SLC25A34: variants seen among roughly 807,000 people sequenced by gnomAD.
The protein encoded by SLC25A34 is solute carrier family 25, member 34.
SLC25A34 carries 26 observed loss-of-function variants against 28.1 expected under a neutral mutation model. That is an observed-to-expected ratio of 0.93 (90% CI 0.68 to 1.28). SLC25A34 has a LOEUF of 1.28. Ranked by LOEUF, SLC25A34 falls within the 50% of genes most tolerant of loss-of-function variation. The probability of loss-of-function intolerance (pLI) is 0.00; values close to 1 mark genes in which losing one functional copy is unlikely to be tolerated. For synonymous variants in SLC25A34, 182 were observed against 182.2 expected, an observed-to-expected ratio of 1.00 and a Z score of 0.01; for missense variants, 384 against 409.8, an observed-to-expected ratio of 0.94 and a Z score of 0.54.
rs376622257 is a variant in SLC25A34, at chr1:15,739,427, G to A, written c.*21G>A. On this transcript the variant is annotated 3_prime_UTR_variant, in exon 5 of 5. Coordinates refer to ENST00000294454, the MANE Select transcript of SLC25A34 (RefSeq NM_207348.3). The stretch of plus-strand genomic sequence containing the variant: ...CCTAGACGACGGCCCTCACCCCCAC[G>A]TCCTGACACGGCCGGCACTTGGCCG... 16 of 1,491,260 alleles carry A rather than the reference G, an allele frequency of 1.1e-5. No homozygotes were observed. Among genetic ancestry groups the A allele is most frequent in the South Asian group, 2.7e-5 (2 of 72,934 alleles). 92.4% of individuals were successfully genotyped at this position (1,491,260 alleles called of 1,614,324 possible). A position where few individuals can be genotyped will look rare whatever the true frequency, so the allele number is the denominator to read the frequency against.
In SLC25A34 at chr1:15,739,531, A is replaced by C. The variant is rs2068261167; in HGVS notation, c.*125A>C. 8.5e-7 allele frequency: 1 copy of C among 1,170,700 alleles called. No homozygotes were observed. The highest frequency in any genetic ancestry group is 1.6e-5 in the African/African-American group (1 of 63,744). The allele number at this position is 1,170,700 out of a possible 1,614,324, so 72.5% of individuals were successfully genotyped here. A position where few individuals can be genotyped will look rare whatever the true frequency, so the allele number is the denominator to read the frequency against. ...CAGGCCCTGCCAGAGGTCCCGGGAG[A>C]GTGTGGACAGCTCTGGTCCATCCAG... On this transcript the variant is annotated 3_prime_UTR_variant, in exon 5 of 5. Coordinates refer to ENST00000294454, the MANE Select transcript of SLC25A34 (RefSeq NM_207348.3).
At position 15,738,186 on chromosome 1, in the gene SLC25A34, G is replaced by C; in HGVS notation, c.538G>C (p.Gly180Arg). ...VGGAVPRVMV[G>R]SAAQLATFAS... ...TGGGGCTGTGCCCCGAGTCATGGTGGGCTCAGCTGCCCAGCTGGCCACCTT... is the reference window on the plus strand; with the variant it reads ...TGGGGCTGTGCCCCGAGTCATGGTGCGCTCAGCTGCCCAGCTGGCCACCTT... Residue 180 changes from glycine (G) to arginine (R), a missense_variant, in exon 3 of 5, where the codon GGC becomes CGC. By Grantham distance (125) the Gly-to-Arg change is moderately radical. Coordinates refer to ENST00000294454, the MANE Select transcript of SLC25A34 (RefSeq NM_207348.3). The C allele has an allele frequency of 1.2e-6, 2 of 1,606,612 alleles. No homozygotes were observed. The highest frequency in any genetic ancestry group is 8.5e-7 in the Non-Finnish European group (1 of 1,176,448).
At chr1:15,737,492 C>G (rs1412070617) in intron 1 of SLC25A34, among the ~76,000 whole-genome samples, 1 of 151,918 alleles carries the variant, frequency 6.6e-6, no homozygotes, top group African/African-American at 2.4e-5. Context: ...ATCACTTGAG[C>G]CCAGTTGGCA....
rs538249415 is a variant in SLC25A34, at chr1:15,739,904, T to G, written c.*498T>G. 1 of 152,474 alleles carries G rather than the reference T, an allele frequency of 6.6e-6. No individual in the cohort carries two copies. The highest frequency in any genetic ancestry group is 6.5e-5 in the Admixed American group (1 of 15,308). 9.4% of individuals were successfully genotyped at this position (152,474 alleles called of 1,614,324 possible). On this transcript the variant is annotated 3_prime_UTR_variant, in exon 5 of 5. Coordinates refer to ENST00000294454, the MANE Select transcript of SLC25A34 (RefSeq NM_207348.3). Reference sequence around the variant, plus strand: ...ACCCTAGACCTATGCGCTTGACAAGTGCGTGACTGTGACAGGCCCATGGGC... The same window carrying G: ...ACCCTAGACCTATGCGCTTGACAAGGGCGTGACTGTGACAGGCCCATGGGC...
chr1:15,739,708 C>T lies in SLC25A34; in HGVS notation c.*302C>T, dbSNP rs1244315027. The T allele has an allele frequency of 3.5e-6, 1 of 282,284 alleles. No homozygotes were observed. The highest frequency in any genetic ancestry group is 5.9e-5 in the East Asian group (1 of 17,080). 17.5% of individuals were successfully genotyped at this position (282,284 alleles called of 1,614,324 possible). A position where few individuals can be genotyped will look rare whatever the true frequency, so the allele number is the denominator to read the frequency against. On this transcript the variant is annotated 3_prime_UTR_variant, in exon 5 of 5. Transcript: ENST00000294454. ...GCAACTGCTGCGGGCGTGCACATGG[C>T]ATAGGCCCAGTAACTTACATACATC...
rs150257583 is a variant in SLC25A34 at position 15,741,279 on chromosome 1, C to G, written c.*1873C>G. On this transcript the variant is annotated 3_prime_UTR_variant, in exon 5 of 5. Transcript: ENST00000294454. ...TCCCTGGCAGGGGCAGGACTGCTGC[C>G]GAGCAGCCCCACCTGCCCTCCCAGC... 1 of 152,746 alleles carries G rather than the reference C, an allele frequency of 6.5e-6. No individual in the cohort carries two copies. The highest frequency in any genetic ancestry group is 6.5e-5 in the Admixed American group (1 of 15,290). 9.5% of individuals were successfully genotyped at this position (152,746 alleles called of 1,614,324 possible). A position where few individuals can be genotyped will look rare whatever the true frequency, so the allele number is the denominator to read the frequency against.
chr1:15,737,644 G>A (rs2068237738), intron 1 of SLC25A34: 1 of 460,960 alleles, frequency 2.2e-6, no homozygotes, highest in African/African-American at 2.0e-5. Context: ...GGCTGGTGCT[G>A]GAGGATCATT....
intron 3 of SLC25A34, 24 bp downstream of exon 3, chr1:15,738,269 C>A: frequency 3.2e-6 from 5 of 1,573,246 alleles, no homozygotes; most frequent in Non-Finnish European, 4.3e-6. Context: ...GACACCTGTG[C>A]CTATCCACAG....
In SLC25A34 at chr1:15,736,379, AC is replaced by A; in HGVS notation, c.-103del. 1 of 1,249,834 alleles carries A rather than the reference AC, an allele frequency of 8.0e-7. No individual in the cohort carries two copies. Among genetic ancestry groups the A allele is most frequent in the Non-Finnish European group, 1.0e-6 (1 of 979,196 alleles). The allele number at this position is 1,249,834 out of a possible 1,614,324, so 77.4% of individuals were successfully genotyped here. A position where few individuals can be genotyped will look rare whatever the true frequency, so the allele number is the denominator to read the frequency against. ...TAGACATGGCCTCGGTCCCCTGCAAACCCCAGCCCCGTAGCCCTGCGAGGTT... is the reference window on the plus strand; with the variant it reads ...TAGACATGGCCTCGGTCCCCTGCAAACCCAGCCCCGTAGCCCTGCGAGGTT... On this transcript the variant is annotated 5_prime_UTR_variant, in exon 1 of 5. The change abolishes the stop of an existing upstream ORF in the 5' untranslated region. Coordinates refer to ENST00000294454, the MANE Select transcript of SLC25A34 (RefSeq NM_207348.3).
rs111842948 is a variant in SLC25A34, at chr1:15,739,361, C to T, written c.870C>T (p.Asp290=). The change falls in exon 5 of 5, where the codon GAC becomes GAT. Residue 290 remains aspartate, a synonymous_variant. Coordinates refer to ENST00000294454, the MANE Select transcript of SLC25A34 (RefSeq NM_207348.3). The part of the protein sequence containing the change: ...PHTILSMLFW[D]ELRKLAGRAQ... ...CCATCCTCAGCATGCTCTTCTGGGACGAGCTTCGGAAACTGGCTGGGCGGG... is the reference window on the plus strand; with the variant it reads ...CCATCCTCAGCATGCTCTTCTGGGATGAGCTTCGGAAACTGGCTGGGCGGG... 3,601 of 1,581,824 alleles carry T rather than the reference C, an allele frequency of 2.3e-3. 84 individuals carry two copies. In the African/African-American group the frequency reaches 0.041, roughly 18 times the overall value.
intron 1 of SLC25A34, chr1:15,737,640 T>A (rs1569589338): frequency 2.2e-6 from 1 of 451,234 alleles, no homozygotes. Context: ...CCTTGGCTGG[T>A]GCTGGAGGAT....
At position 15,736,552 on chromosome 1, in the gene SLC25A34, T is replaced by C; in HGVS notation, c.67T>C (p.Phe23Leu). ...GASACCLACV[F>L]TNPLEVVKTR... ...TTCTGCCTGCTGCCTGGCCTGTGTC[T>C]TCACCAACCCCCTGGAGGTGGTGAA... The change falls in exon 1 of 5, where the codon TTC (phenylalanine) becomes CTC (leucine). Residue 23 changes from phenylalanine to leucine, a missense_variant. Physicochemically the swap from Phe to Leu is conservative, Grantham distance 22. Transcript: ENST00000294454. The C allele has an allele frequency of 6.9e-7, 1 of 1,459,736 alleles. No individual in the cohort carries two copies. The highest frequency in any genetic ancestry group is 9.0e-7 in the Non-Finnish European group (1 of 1,105,580). The allele number at this position is 1,459,736 out of a possible 1,614,324, so 90.4% of individuals were successfully genotyped here.
Position 15,736,693 on chromosome 1 carries a change from C to T in SLC25A34, c.208C>T (p.Gln70Ter). ...CCGAGCAGACGGGCTGTGGGGCCTG[C>T]AGAAGGGGCTGGCTGCCGGCCTTCT... ...VARADGLWGLQKGLAAGLLYQ... is the reference protein window; with the variant it reads ...VARADGLWGL Residue 70 changes from glutamine (Q) to a stop codon, truncating the protein, a stop_gained, in exon 1 of 5, where the codon CAG becomes TAG. Transcript: ENST00000294454. LOFTEE classifies it high-confidence loss of function. 7 of 1,609,686 alleles carry T rather than the reference C, an allele frequency of 4.3e-6. No individual in the cohort carries two copies. The highest frequency in any genetic ancestry group is 5.9e-6 in the Non-Finnish European group (7 of 1,178,932).
chr1:15,739,186 G>A, intron 4 of SLC25A34, 38 bp from the exon 5 acceptor site: 2 of 1,590,130 alleles, frequency 1.3e-6, no homozygotes, highest in Non-Finnish European at 8.6e-7. Context: ...AGGGCCTCAA[G>A]GCCCCTGTAG....
Position 15,738,718 on chromosome 1 carries a change from C to A in SLC25A34, c.722C>A (p.Thr241Lys). 1.3e-6 allele frequency: 2 copies of A among 1,576,288 alleles called. No homozygotes were observed. The highest frequency in any genetic ancestry group is 8.6e-7 in the Non-Finnish European group (1 of 1,160,580). Residue 241 changes from threonine (T) to lysine (K), a missense_variant, in exon 4 of 5, where the codon ACA becomes AAA. Coordinates refer to ENST00000294454, the MANE Select transcript of SLC25A34 (RefSeq NM_207348.3). The stretch of plus-strand genomic sequence containing the variant: ...CGGCTATACAATCAGCCGGTGGACA[C>A]AGCTGGCAGGGTGAGCAGGGGCGGG... The part of the protein sequence containing the change: ...STRLYNQPVD[T>K]AGRGQLYGGL...
intron 4 of SLC25A34, 25 bp downstream of exon 4, chr1:15,738,753 G>T: frequency 3.3e-6 from 5 of 1,505,246 alleles, no homozygotes; most frequent in Non-Finnish European, 4.4e-6. Context: ...GTCTAGGGGA[G>T]ACCGTGGGGA....
In SLC25A34 at chr1:15,740,589, T is replaced by C. The variant is rs1339667851; in HGVS notation, c.*1183T>C. 2.6e-5 allele frequency: 4 copies of C among 151,574 alleles called. No homozygotes were observed. The highest frequency in any genetic ancestry group is 9.7e-5 in the African/African-American group (4 of 41,256). The allele number at this position is 151,574 out of a possible 1,614,324, so 9.4% of individuals were successfully genotyped here. A position where few individuals can be genotyped will look rare whatever the true frequency, so the allele number is the denominator to read the frequency against. ...CACCTCACTTGGCCCAATTTTAACT[T>C]AATTATCTCTGTCAAGAGCCTATCT... On this transcript the variant is annotated 3_prime_UTR_variant, in exon 5 of 5. Transcript: ENST00000294454.
Position 15,738,155 on chromosome 1 carries a change from C to T in SLC25A34, c.507C>T (p.Gly169=), listed in dbSNP as rs571515007. The change falls in exon 3 of 5, where the codon GGC becomes GGT. Residue 169 remains glycine (G), a synonymous_variant. Transcript: ENST00000294454. ...RQQGLLGLWQ[G]VGGAVPRVMV... ...AAGGGCTCTTGGGGCTGTGGCAGGG[C>T]GTTGGTGGGGCTGTGCCCCGAGTCA... 3.7e-6 allele frequency: 6 copies of T among 1,607,898 alleles called. No homozygotes were observed. Among genetic ancestry groups the T allele is most frequent in the African/African-American group, 1.3e-5 (1 of 75,006 alleles).
intron 2 of SLC25A34, 21 bp from the exon 3 acceptor site, chr1:15,738,072 C>A: frequency 5.6e-6 from 9 of 1,611,440 alleles, no homozygotes; most frequent in Non-Finnish European, 7.6e-6. Context: ...TGGCCAGTGA[C>A]CCCGTGCCCT....
Sources: allele counts gnomAD v4.1 joint callset (sites outside exome capture counted in the v4.1 genomes callset), GRCh38; gene constraint gnomAD v4.1.1; transcripts MANE v1.5; gene names NCBI Gene and HGNC (gene_info 2026-07-23, HGNC 2026-07-21).